ZNF587B: variants seen among roughly 807,000 people sequenced by gnomAD.
ZNF587B encodes the protein zinc finger protein 587B.
A neutral mutation model predicts 7.2 loss-of-function variants in ZNF587B; 6 were observed. That is an observed-to-expected ratio of 0.83 (90% CI 0.46 to 1.65). The LOEUF (loss-of-function observed/expected upper bound fraction) is 1.65, where lower values mean the gene tolerates loss of function less well. Among genes scored for constraint, ZNF587B ranks in the 40% most tolerant of loss-of-function variants. The probability of loss-of-function intolerance (pLI) is 0.01; values close to 1 mark genes in which losing one functional copy is unlikely to be tolerated. For synonymous variants in ZNF587B, 274 were observed against 254.3 expected (o/e 1.08, Z -0.74); for missense variants, 749 against 761.0 (o/e 0.98, Z 0.19).
chr19:57,842,447 C>G lies in ZNF587B; in HGVS notation c.1773C>G (p.Ser591=). ...SECGKSFAGI[S]SLTNHRRVHT... is the part of the protein sequence containing the mutation. ...GTGGGAAATCTTTTGCTGGAATCTC[C>G]AGTCTCACTAATCACAGGAGAGTTC... Residue 591 remains serine, a synonymous_variant, in exon 3 of 3, where the codon TCC becomes TCG. Coordinates refer to ENST00000594901, the MANE Select transcript of ZNF587B (RefSeq NM_001376223.1). The G allele has an allele frequency of 6.2e-7, 1 of 1,602,788 alleles. No individual in the cohort carries two copies. The highest frequency in any genetic ancestry group is 8.5e-7 in the Non-Finnish European group (1 of 1,175,192).
intron 1 of ZNF587B, among the ~76,000 whole-genome samples, chr19:57,831,705 T>C (rs1313602487): frequency 1.3e-5 from 2 of 150,664 alleles, no homozygotes; most frequent in African/African-American, 2.5e-5. Flanking sequence ...ATTTTATTTA[T>C]TTATTTTTTT....
intron 1 of ZNF587B, among the ~76,000 whole-genome samples, chr19:57,831,902 C>T (rs1473238256): frequency 2.0e-5 from 3 of 151,704 alleles, no homozygotes; most frequent in South Asian, 2.1e-4. Flanking sequence ...GACGGGGTTT[C>T]GCCATGTTGC....
In ZNF587B at chr19:57,846,174, A is replaced by G. The variant is rs1989046656; in HGVS notation, c.*3598A>G. Reference sequence around the variant, plus strand: ...AACAACCATTGATTTACTTTGCTGTATGATGGAGTACTTTCCATTTTCTGG... The same window carrying G: ...AACAACCATTGATTTACTTTGCTGTGTGATGGAGTACTTTCCATTTTCTGG... On this transcript the variant is annotated 3_prime_UTR_variant, in exon 3 of 3. Coordinates refer to ENST00000594901, the MANE Select transcript of ZNF587B (RefSeq NM_001376223.1). 1.3e-5 allele frequency: 2 copies of G among 152,120 alleles called. No homozygotes were observed. The highest frequency in any genetic ancestry group is 4.8e-5 in the African/African-American group (2 of 41,412). 9.4% of individuals were successfully genotyped at this position (152,120 alleles called of 1,614,324 possible). A position where few individuals can be genotyped will look rare whatever the true frequency, so the allele number is the denominator to read the frequency against.
At position 57,846,101 on chromosome 19, in the gene ZNF587B, CT is replaced by C. The variant is rs1840735139; in HGVS notation, c.*3528del. 5 of 152,172 alleles carry C rather than the reference CT, an allele frequency of 3.3e-5. 1 individual carries two copies. The highest frequency in any genetic ancestry group is 3.3e-4 in the Admixed American group (5 of 15,270). The allele number at this position is 152,172 out of a possible 1,614,324, so 9.4% of individuals were successfully genotyped here. ...ATAATGAATTTATCTAATCTATCAC[CT>C]TTGTATTTACTTGGAGCCTTTATAA... On this transcript the variant is annotated 3_prime_UTR_variant, in exon 3 of 3. Coordinates refer to ENST00000594901, the MANE Select transcript of ZNF587B (RefSeq NM_001376223.1).
chr19:57,831,169 A>T (rs1245122003), intron 1 of ZNF587B, among the ~76,000 whole-genome samples: 3 of 152,256 alleles, frequency 2.0e-5, no homozygotes, highest in African/African-American at 7.2e-5. Context: ...TAAGTCCTTG[A>T]GGAAGGGGCT....
In ZNF587B at chr19:57,842,940, C is replaced by T; in HGVS notation, c.*364C>T. The T allele has an allele frequency of 1.0e-6, 1 of 985,394 alleles. No homozygotes were observed. Among genetic ancestry groups the T allele is most frequent in the Non-Finnish European group, 1.2e-6 (1 of 829,926 alleles). 61.0% of individuals were successfully genotyped at this position (985,394 alleles called of 1,614,324 possible). ...TGCCTTCTGTCATTGAATCCTAGAACACTGAGATGAGAAAAACACTGTAGA... is the reference window on the plus strand; with the variant it reads ...TGCCTTCTGTCATTGAATCCTAGAATACTGAGATGAGAAAAACACTGTAGA... On this transcript the variant is annotated 3_prime_UTR_variant, in exon 3 of 3. Coordinates refer to ENST00000594901, the MANE Select transcript of ZNF587B (RefSeq NM_001376223.1).
rs1988382153 is a variant in ZNF587B at position 57,831,306 on chromosome 19, G to A, written c.36+742G>A. On this transcript the variant is annotated intron_variant, in intron 1 of 2. Coordinates refer to ENST00000594901, the MANE Select transcript of ZNF587B (RefSeq NM_001376223.1). ...TAAAAACAGGGTTAGTAAAAACAAG[G>A]TTGGGCATTACATCACAGAATCCTC... Among the ~76,000 whole-genome samples, 3 of 152,198 alleles carry A rather than the reference G, an allele frequency of 2.0e-5. No homozygotes were observed. The South Asian group carries it at 6.2e-4, about 32-fold the overall frequency.
intron 1 of ZNF587B, among the ~76,000 whole-genome samples, chr19:57,837,318 G>A (rs866024742): frequency 9.2e-5 from 14 of 151,808 alleles, no homozygotes; most frequent in African/African-American, 2.9e-4. Context: ...GTGCAATGGC[G>A]CGATCTTGAC....
At position 57,843,531 on chromosome 19, in the gene ZNF587B, A is replaced by G. The variant is rs1401780583; in HGVS notation, c.*955A>G. ...TAGAAGTATATTTTGGTTGTCTCCC[A>G]TTCACGAGAGATTTTTTTTTTAAGT... On this transcript the variant is annotated 3_prime_UTR_variant, in exon 3 of 3. Transcript: ENST00000594901. The G allele has an allele frequency of 5.1e-6, 5 of 976,888 alleles. No homozygotes were observed. The highest frequency in any genetic ancestry group is 6.0e-6 in the Non-Finnish European group (5 of 828,086). The allele number at this position is 976,888 out of a possible 1,614,324, so 60.5% of individuals were successfully genotyped here. A position where few individuals can be genotyped will look rare whatever the true frequency, so the allele number is the denominator to read the frequency against.
Position 57,841,832 on chromosome 19 carries a change from ATG to A in ZNF587B, c.1161_1162del (p.Cys387TrpfsTer11). ...TEVRPYKCGE[C>X]GKSYISKGHL... Reference sequence around the variant, plus strand: ...AAGTAAGACCTTACAAGTGTGGAGAATGTGGGAAATCTTATATTTCAAAGGGG... The same window carrying A: ...AAGTAAGACCTTACAAGTGTGGAGAATGGGAAATCTTATATTTCAAAGGGG... On this transcript the variant is annotated frameshift_variant, in exon 3 of 3. Coordinates refer to ENST00000594901, the MANE Select transcript of ZNF587B (RefSeq NM_001376223.1). LOFTEE classifies it low-confidence loss of function (END_TRUNC). 1 of 1,612,312 alleles carries A rather than the reference ATG, an allele frequency of 6.2e-7. No individual in the cohort carries two copies. Among genetic ancestry groups the A allele is most frequent in the Non-Finnish European group, 8.5e-7 (1 of 1,179,386 alleles).
In ZNF587B at chr19:57,844,592, C is replaced by T. The variant is rs2122267072; in HGVS notation, c.*2016C>T. ...TATTTGCATAGCTGCCCAAGGCCTC[C>T]AGTGGACGACTTCATGGCTTTGTGG... On this transcript the variant is annotated 3_prime_UTR_variant, in exon 3 of 3. Coordinates refer to ENST00000594901, the MANE Select transcript of ZNF587B (RefSeq NM_001376223.1). 6.4e-6 allele frequency: 1 copy of T among 156,824 alleles called. No homozygotes were observed. Among genetic ancestry groups the T allele is most frequent in the Non-Finnish European group, 1.4e-5 (1 of 70,480 alleles). 9.7% of individuals were successfully genotyped at this position (156,824 alleles called of 1,614,324 possible).
Position 57,841,356 on chromosome 19 carries a change from A to G in ZNF587B, c.682A>G (p.Ile228Val), listed in dbSNP as rs1988836547. 6.3e-7 allele frequency: 1 copy of G among 1,598,138 alleles called. No homozygotes were observed. The highest frequency in any genetic ancestry group is 2.2e-5 in the East Asian group (1 of 44,454). The change falls in exon 3 of 3, where the codon ATA (isoleucine) becomes GTA (valine). Residue 228 changes from isoleucine (I) to valine (V), a missense_variant. Ile to Val is a conservative substitution (Grantham distance 29). Around this residue, in one of 3 missense-constraint regions of ZNF587B, gnomAD observed 656 missense variants for 596.5 expected, o/e 1.10. Coordinates refer to ENST00000594901, the MANE Select transcript of ZNF587B (RefSeq NM_001376223.1). Reference sequence around the variant, plus strand: ...CATGAAACATTTTAGCACCAAACATATACTCAGTCAGCACCAGAGACTTCT... The same window carrying G: ...CATGAAACATTTTAGCACCAAACATGTACTCAGTCAGCACCAGAGACTTCT... The part of the protein sequence containing the change: ...DSMKHFSTKH[I>V]LSQHQRLLPR...
At position 57,842,894 on chromosome 19, in the gene ZNF587B, A is replaced by C; in HGVS notation, c.*318A>C. ...CACTACGGAAATGCCTTTTGAATGT[A>C]ATGTTTGCAAAAAAGCACTGTGCCT... On this transcript the variant is annotated 3_prime_UTR_variant, in exon 3 of 3. Transcript: ENST00000594901. 1 of 985,416 alleles carries C rather than the reference A, an allele frequency of 1.0e-6. No individual in the cohort carries two copies. 61.0% of individuals were successfully genotyped at this position (985,416 alleles called of 1,614,324 possible).
intron 1 of ZNF587B, among the ~76,000 whole-genome samples, chr19:57,835,029 G>GA (rs1389396246): frequency 2.1e-5 from 2 of 94,162 alleles, no homozygotes; most frequent in Admixed American, 2.4e-4. Flanking sequence ...CCATTTCAGT[G>GA]AAACTGTGTA....
Position 57,841,525 on chromosome 19 carries a change from G to A in ZNF587B, c.851G>A (p.Ser284Asn), listed in dbSNP as rs192718342. 3.1e-5 allele frequency: 49 copies of A among 1,583,362 alleles called. No homozygotes were observed. Among genetic ancestry groups the A allele is most frequent in the Non-Finnish European group, 3.9e-5 (45 of 1,164,166 alleles). Residue 284 changes from serine (S) to asparagine (N), a missense_variant, in exon 3 of 3, where the codon AGC becomes AAC. Around this residue, in one of 3 missense-constraint regions of ZNF587B, gnomAD observed 656 missense variants for 596.5 expected, o/e 1.10. Coordinates refer to ENST00000594901, the MANE Select transcript of ZNF587B (RefSeq NM_001376223.1). ...ECEKSFSQKS[S>N]LIQHQQFHTG... ...GAGAAATCTTTTAGTCAAAAGAGCAGCCTCATTCAACATCAGCAATTTCAC... is the reference window on the plus strand; with the variant it reads ...GAGAAATCTTTTAGTCAAAAGAGCAACCTCATTCAACATCAGCAATTTCAC...
At chr19:57,836,946 G>T (rs1301275440) in intron 1 of ZNF587B, among the ~76,000 whole-genome samples, 4 of 135,432 alleles carry the variant, frequency 3.0e-5, no homozygotes, top group Non-Finnish European at 6.2e-5. Flanking sequence ...CTGGGTGACA[G>T]TGAGACTCCG....
At chr19:57,840,537 A>C (rs4014640) in intron 2 of ZNF587B, among the ~76,000 whole-genome samples, 6 of 152,166 alleles carry the variant, frequency 3.9e-5, no homozygotes, top group African/African-American at 1.4e-4. Context: ...TACAGCACTC[A>C]CATGTCATGA....
rs933294655 is a variant in ZNF587B, at chr19:57,845,401, T to G, written c.*2825T>G. 1 of 152,174 alleles carries G rather than the reference T, an allele frequency of 6.6e-6. No individual in the cohort carries two copies. The highest frequency in any genetic ancestry group is 2.4e-5 in the African/African-American group (1 of 41,442). 9.4% of individuals were successfully genotyped at this position (152,174 alleles called of 1,614,324 possible). A position where few individuals can be genotyped will look rare whatever the true frequency, so the allele number is the denominator to read the frequency against. On this transcript the variant is annotated 3_prime_UTR_variant, in exon 3 of 3. Transcript: ENST00000594901. ...TGAATGTTGTGTAGCTAAGCTTTGGTCAGAGGAAATAATCTAAAGGTTTTG... is the reference window on the plus strand; with the variant it reads ...TGAATGTTGTGTAGCTAAGCTTTGGGCAGAGGAAATAATCTAAAGGTTTTG...
chr19:57,841,139 G>A lies in ZNF587B; in HGVS notation c.465G>A (p.Ala155=), dbSNP rs749342872. 2.0e-5 allele frequency: 33 copies of A among 1,614,070 alleles called. No homozygotes were observed. The Admixed American group carries it at 2.7e-4, about 13-fold the overall frequency. The change falls in exon 3 of 3, where the codon GCG becomes GCA. Residue 155 remains alanine (A), a synonymous_variant. Transcript: ENST00000594901. ...CCTACAGAGGGAGTGTTGAGGAGGCGTTGTTTGTGAAGAGGTGTAAGTTGC... is the reference window on the plus strand; with the variant it reads ...CCTACAGAGGGAGTGTTGAGGAGGCATTGTTTGTGAAGAGGTGTAAGTTGC... The part of the protein sequence containing the change: ...EKPYRGSVEE[A]LFVKRCKLHV...
Sources: allele counts gnomAD v4.1 joint callset (sites outside exome capture counted in the v4.1 genomes callset), GRCh38; gene constraint gnomAD v4.1.1; regional missense constraint gnomAD v4.1.1; transcripts MANE v1.5; gene names NCBI Gene and HGNC (gene_info 2026-07-23, HGNC 2026-07-21).